The following IMMT variants were observed in gnomAD, a reference collection of about 807,000 sequenced individuals.
The protein encoded by IMMT is inner membrane mitochondrial protein.
A neutral mutation model predicts 92.7 loss-of-function variants in IMMT; 40 were observed. The observed-to-expected ratio is 0.43, with a 90% CI of 0.34 to 0.56. IMMT has a LOEUF of 0.56. Ranked by LOEUF, IMMT falls within the 20% of genes least tolerant of loss-of-function variation. The pLI, the probability that IMMT is intolerant of heterozygous loss-of-function variation, is 0.03. For synonymous variants in IMMT, 322 were observed against 336.1 expected, an observed-to-expected ratio of 0.96 and a Z score of 0.46; for missense variants, 831 against 912.1, an observed-to-expected ratio of 0.91 and a Z score of 1.14.
Position 86,144,048 on chromosome 2 carries a change from A to C in IMMT, c.*220T>G, listed in dbSNP as rs907573486. 5.0e-6 allele frequency: 3 copies of C among 601,136 alleles called. No individual in the cohort carries two copies. The East Asian group carries it at 8.5e-5, about 17-fold the overall frequency. The allele number at this position is 601,136 out of a possible 1,614,324, so 37.2% of individuals were successfully genotyped here. A position where few individuals can be genotyped will look rare whatever the true frequency, so the allele number is the denominator to read the frequency against. ...AGCCTCATCAGTAAAACCTGAAAAA[A>C]CAGAAAATGTTACACAAGTTGCAAA... On this transcript the variant is annotated 3_prime_UTR_variant, in exon 15 of 15. Transcript: ENST00000410111.
chr2:86,146,255 C>T, intron 13 of IMMT, 58 bp from the exon 14 acceptor site: 3 of 1,466,666 alleles, frequency 2.0e-6, no homozygotes, highest in East Asian at 2.3e-5. Flanking sequence ...TGTCATGTAA[C>T]TGTGTAATCT....
chr2:86,183,820 G>A (rs375997456), intron 1 of IMMT, among the ~76,000 whole-genome samples: 2 of 152,102 alleles, frequency 1.3e-5, no homozygotes, highest in East Asian at 3.9e-4. Context: ...TTAAATCACT[G>A]TATATCAGTA....
chr2:86,144,776 ATAG>A lies in IMMT; in HGVS notation c.1766_1768del (p.Thr589del). ...GGCCTCAACTGCACTACCCAGCGGG[ATAG>A]TAGGTGTTTCTGCAGATGAGGTCTT... On this transcript the variant is annotated inframe_deletion, in exon 15 of 15. Transcript: ENST00000410111. The A allele has an allele frequency of 6.2e-6, 10 of 1,613,524 alleles. No homozygotes were observed. The highest frequency in any genetic ancestry group is 8.5e-6 in the Non-Finnish European group (10 of 1,179,882).
intron 1 of IMMT, 147 bp downstream of exon 1, chr2:86,195,191 T>C (rs1673450894): frequency 2.4e-6 from 2 of 820,234 alleles, no homozygotes; most frequent in African/African-American, 1.8e-5. Flanking sequence ...GGTGGCTGCC[T>C]AGCTGCCCGC....
chr2:86,172,221 C>T (rs1448718948), intron 4 of IMMT, among the ~76,000 whole-genome samples: 1 of 151,910 alleles, frequency 6.6e-6, no homozygotes, highest in Admixed American at 6.6e-5. Flanking sequence ...CCTCCCTCCT[C>T]GGCCTCCCAA....
intron 7 of IMMT, among the ~76,000 whole-genome samples, chr2:86,162,586 C>T (rs960633113): frequency 1.3e-5 from 2 of 151,900 alleles, no homozygotes; most frequent in Non-Finnish European, 2.9e-5. Context: ...TGGCTCACGC[C>T]TATAATCCCA....
chr2:86,156,951 G>T (rs1390695525), intron 10 of IMMT, among the ~76,000 whole-genome samples: 1 of 152,208 alleles, frequency 6.6e-6, no homozygotes, highest in Non-Finnish European at 1.5e-5. Flanking sequence ...ACAGTGGTTT[G>T]TGGAGGAATA....
chr2:86,176,818 A>G (rs1677458726), intron 3 of IMMT, among the ~76,000 whole-genome samples: 1 of 152,218 alleles, frequency 6.6e-6, no homozygotes, highest in Non-Finnish European at 1.5e-5. Context: ...CACTTCTCTG[A>G]ATTTTTCAAC....
Position 86,146,319 on chromosome 2 carries a change from TAC to T in IMMT, c.1534-124_1534-123del, listed in dbSNP as rs1261511396. ...GGCCTTAGAGTTGTCACGAAATTCCTACATTTTGTGTAAAGTTTCAAAAATGT... is the reference window on the plus strand; with the variant it reads ...GGCCTTAGAGTTGTCACGAAATTCCTATTTTGTGTAAAGTTTCAAAAATGT... On this transcript the variant is annotated intron_variant, in intron 13 of 14. Coordinates refer to ENST00000410111, the MANE Select transcript of IMMT (RefSeq NM_006839.3). 7 of 663,460 alleles carry T rather than the reference TAC, an allele frequency of 1.1e-5. No homozygotes were observed. In the East Asian group the frequency reaches 1.7e-4, roughly 16 times the overall value. 41.1% of individuals were successfully genotyped at this position (663,460 alleles called of 1,614,324 possible).
intron 13 of IMMT, among the ~76,000 whole-genome samples, chr2:86,146,884 C>A (rs1010316951): frequency 6.6e-6 from 1 of 152,204 alleles, no homozygotes; most frequent in African/African-American, 2.4e-5. Flanking sequence ...CCTCAGCCTC[C>A]GGAGTGGCTG....
chr2:86,170,883 C>A, intron 5 of IMMT, 39 bp from the exon 6 acceptor site: 1 of 1,463,096 alleles, frequency 6.8e-7, no homozygotes, highest in South Asian at 1.2e-5. Context: ...CAAATTTCAG[C>A]ATAGAATTTT....
intron 11 of IMMT, among the ~76,000 whole-genome samples, chr2:86,152,659 G>C (rs1299915553): frequency 6.6e-6 from 1 of 151,996 alleles, no homozygotes; most frequent in Non-Finnish European, 1.5e-5. Context: ...TACTCAGGAG[G>C]CTGAGGCACG....
At chr2:86,195,100 G>A in intron 1 of IMMT, 1 of 440,246 alleles carries the variant, frequency 2.3e-6, no homozygotes, top group Non-Finnish European at 4.2e-6. Flanking sequence ...ACATGCCCAC[G>A]AAGCCGCGCC....
In IMMT at chr2:86,179,596, G is replaced by T. The variant is rs772953908; in HGVS notation, c.146C>A (p.Ala49Asp). The T allele has an allele frequency of 6.3e-7, 1 of 1,592,582 alleles. No homozygotes were observed. The highest frequency in any genetic ancestry group is 8.5e-7 in the Non-Finnish European group (1 of 1,174,258). ...SGLTTGKIAGAGLLFVGGGIG... is the reference protein window; with the variant it reads ...SGLTTGKIAGDGLLFVGGGIG... ...ACCTCCACCAACAAACAAAAGGCCA[G>T]CTCCAGCAATTTTGCCAGTAGTCAA... is the stretch of plus-strand genomic sequence containing the variant. Residue 49 changes from alanine to aspartate, a missense_variant, in exon 3 of 15, where the codon GCT becomes GAT. Transcript: ENST00000410111.
chr2:86,144,389 C>G lies in IMMT; in HGVS notation c.2156G>C (p.Arg719Pro), dbSNP rs752714248. The change falls in exon 15 of 15, where the codon CGA becomes CCA. Residue 719 changes from arginine (R) to proline (P), a missense_variant. Physicochemically the swap from Arg to Pro is moderately radical, Grantham distance 103. Transcript: ENST00000410111. Reference sequence around the variant, plus strand: ...TTCCTTCAGCCAGTCCTGTGCCACTCGTCTGGATTCCCCCTTCAGCTGATT... The same window carrying G: ...TTCCTTCAGCCAGTCCTGTGCCACTGGTCTGGATTCCCCCTTCAGCTGATT... Reference protein sequence around the residue: ...FVNQLKGESRRVAQDWLKEAR... With the variant: ...FVNQLKGESRPVAQDWLKEAR... The G allele has an allele frequency of 1.2e-6, 2 of 1,614,016 alleles. No individual in the cohort carries two copies. The highest frequency in any genetic ancestry group is 3.3e-5 in the Admixed American group (2 of 60,026).
chr2:86,170,416 T>G (rs187122303), intron 6 of IMMT, among the ~76,000 whole-genome samples: 238 of 152,228 alleles, frequency 1.6e-3, no homozygotes, highest in African/African-American at 5.5e-3. Flanking sequence ...AGAGCCTATC[T>G]CAAAAAAATA....
chr2:86,178,112 G>C (rs889861162), intron 3 of IMMT, among the ~76,000 whole-genome samples: 1 of 150,718 alleles, frequency 6.6e-6, no homozygotes, highest in African/African-American at 2.4e-5. Context: ...TCAGGAGATC[G>C]AGATCATCCT....
chr2:86,146,519 C>T (rs955843887), intron 13 of IMMT, among the ~76,000 whole-genome samples: 19 of 151,858 alleles, frequency 1.3e-4, no homozygotes, highest in African/African-American at 4.6e-4. Flanking sequence ...TACAGGCATG[C>T]ATCACCATGC....
chr2:86,192,826 G>C (rs775838047), intron 1 of IMMT, among the ~76,000 whole-genome samples: 2 of 151,924 alleles, frequency 1.3e-5, no homozygotes, highest in African/African-American at 2.4e-5. Context: ...AAGAGTTCAG[G>C]GCAAAAGAAA....
Sources: allele counts gnomAD v4.1 joint callset (sites outside exome capture counted in the v4.1 genomes callset), GRCh38; gene constraint gnomAD v4.1.1; transcripts MANE v1.5; gene names NCBI Gene and HGNC (gene_info 2026-07-23, HGNC 2026-07-21).